The following OTUD6B variants were observed in gnomAD, a reference collection of about 807,000 sequenced individuals.
OTUD6B encodes OTU deubiquitinase 6B.
OTUD6B carries 41 observed loss-of-function variants against 36.9 expected under a neutral mutation model. The observed-to-expected ratio is 1.11, with a 90% CI of 0.87 to 1.44. OTUD6B has a LOEUF of 1.44. Among genes scored for constraint, OTUD6B ranks in the 40% most tolerant of loss-of-function variants. OTUD6B has a pLI of 0.00. For synonymous variants in OTUD6B, 114 were observed against 114.2 expected, an observed-to-expected ratio of 1.00 and a Z score of 0.01; for missense variants, 356 against 344.8, an observed-to-expected ratio of 1.03 and a Z score of -0.26.
At chr8:91,073,506 A>G (rs114091867) in intron 2 of OTUD6B, among the ~76,000 whole-genome samples, 157 of 152,254 alleles carry the variant, frequency 1.0e-3, no homozygotes, top group Middle Eastern at 6.8e-3. Context: ...CCTTTATCTT[A>G]TATGTACTGG....
At position 91,084,863 on chromosome 8, in the gene OTUD6B, A is replaced by G; in HGVS notation, c.877A>G (p.Ser293Gly). 1 of 1,515,070 alleles carries G rather than the reference A, an allele frequency of 6.6e-7. No homozygotes were observed. The highest frequency in any genetic ancestry group is 9.1e-7 in the Non-Finnish European group (1 of 1,101,532). 93.9% of individuals were successfully genotyped at this position (1,515,070 alleles called of 1,614,324 possible). The change falls in exon 7 of 7, where the codon AGC becomes GGC. Residue 293 changes from serine (S) to glycine (G), a missense_variant. Physicochemically the swap from Ser to Gly is moderately conservative, Grantham distance 56. Coordinates refer to ENST00000404789, the MANE Select transcript of OTUD6B (RefSeq NM_016023.5). ...RLVNIVTENCS is the reference protein window; with the variant it reads ...RLVNIVTENCG ...GGTAAACATAGTTACTGAAAATTGC[A>G]GCTAATTTATACAATGTTGTACAAT...
At chr8:91,076,594 G>A (rs745968718) in intron 3 of OTUD6B, 5 of 1,530,744 alleles carry the variant, frequency 3.3e-6, no homozygotes, top group African/African-American at 1.4e-5. Context: ...TGATTCAGGT[G>A]CCTGGATAGA....
intron 3 of OTUD6B, among the ~76,000 whole-genome samples, chr8:91,075,664 C>T (rs1241615397): frequency 6.6e-6 from 1 of 151,956 alleles, no homozygotes; most frequent in East Asian, 1.9e-4. Context: ...AAAAAATGCC[C>T]AAGTAATGTT....
chr8:91,080,420 A>G, intron 4 of OTUD6B: 1 of 279,234 alleles, frequency 3.6e-6, no homozygotes, highest in Non-Finnish European at 5.4e-6. Flanking sequence ...TAGGGAGGGT[A>G]TCTGGGCCTC....
chr8:91,084,633 T>G (rs759929614), intron 6 of OTUD6B, 151 bp from the exon 7 acceptor site: 2 of 889,568 alleles, frequency 2.2e-6, no homozygotes, highest in Non-Finnish European at 2.9e-6. Context: ...TGTTGAACTC[T>G]TAATTAATAT....
At chr8:91,082,275 A>G (rs1812920753) in intron 5 of OTUD6B, among the ~76,000 whole-genome samples, 1 of 152,148 alleles carries the variant, frequency 6.6e-6, no homozygotes, top group Non-Finnish European at 1.5e-5. Context: ...GTAATTTCTT[A>G]AATTCTTTCA....
At chr8:91,080,196 G>A (rs1043020658) in intron 4 of OTUD6B, among the ~76,000 whole-genome samples, 2 of 152,068 alleles carry the variant, frequency 1.3e-5, no homozygotes, top group African/African-American at 4.8e-5. Context: ...CTCTGGGGAA[G>A]GAATTTCAAT....
chr8:91,084,184 GATT>G, intron 6 of OTUD6B, 70 bp downstream of exon 6: 2 of 876,066 alleles, frequency 2.3e-6, no homozygotes, highest in Admixed American at 2.9e-5. Context: ...AAAAAATTTA[GATT>G]ATATGTGTTA....
chr8:91,077,821 G>A (rs1002424466), intron 3 of OTUD6B, among the ~76,000 whole-genome samples: 6 of 151,928 alleles, frequency 3.9e-5, no homozygotes, highest in African/African-American at 9.7e-5. Context: ...GGGAGCTTGA[G>A]TCTCTCTCTT....
At chr8:91,077,144 T>C (rs1468612687) in intron 3 of OTUD6B, among the ~76,000 whole-genome samples, 1 of 152,082 alleles carries the variant, frequency 6.6e-6, no homozygotes, top group Non-Finnish European at 1.5e-5. Context: ...TAACTTAGTT[T>C]TTATTCTTAA....
intron 1 of OTUD6B, 170 bp from the exon 2 acceptor site, chr8:91,070,968 C>G (rs1220938028): frequency 1.2e-6 from 1 of 808,538 alleles, no homozygotes; most frequent in Non-Finnish European, 1.5e-6. Flanking sequence ...TTTTTGGTCT[C>G]AGCTTTATCT....
intron 3 of OTUD6B, among the ~76,000 whole-genome samples, chr8:91,077,589 C>T (rs1403023075): frequency 2.0e-5 from 3 of 151,928 alleles, no homozygotes; most frequent in Admixed American, 6.6e-5. Context: ...CTCTCATTTC[C>T]GTCACCCCAC....
chr8:91,070,403 G>T lies in OTUD6B; in HGVS notation c.19G>T (p.Glu7Ter), dbSNP rs764539241. Residue 7 changes from glutamate (E) to a stop codon, truncating the protein, a stop_gained, in exon 1 of 7, where the codon GAA becomes TAA. Coordinates refer to ENST00000404789, the MANE Select transcript of OTUD6B (RefSeq NM_016023.5). LOFTEE classifies it high-confidence loss of function. Reference protein sequence around the residue: MEAVLTEELDEEEQLLR... With the variant: MEAVLT ...GGTCGTCATGGAGGCGGTATTGACC[G>T]AAGAGCTTGATGAGGAAGAGCAGCT... is the stretch of plus-strand genomic sequence containing the variant. The T allele has an allele frequency of 1.9e-6, 3 of 1,604,392 alleles. No individual in the cohort carries two copies. In the Admixed American group the frequency reaches 5.2e-5, roughly 28 times the overall value.
chr8:91,081,137 C>T (rs2130441677), intron 5 of OTUD6B, among the ~76,000 whole-genome samples: 1 of 108,018 alleles, frequency 9.3e-6, no homozygotes, highest in South Asian at 3.8e-4. Flanking sequence ...TTTTTTACAT[C>T]AGAAATGGAA....
chr8:91,076,669 C>T, intron 3 of OTUD6B: 2 of 1,455,186 alleles, frequency 1.4e-6, no homozygotes. Flanking sequence ...CTTTGGAAAT[C>T]TTTCTGCGTG....
chr8:91,081,072 A>C (rs367822616), intron 5 of OTUD6B, among the ~76,000 whole-genome samples: 85 of 147,458 alleles, frequency 5.8e-4, no homozygotes, highest in Admixed American at 8.1e-4. Context: ...TACTGAAGTA[A>C]AGTAAAATTT....
chr8:91,082,201 A>G (rs1812919711), intron 5 of OTUD6B, among the ~76,000 whole-genome samples: 1 of 152,108 alleles, frequency 6.6e-6, no homozygotes. Context: ...TATAAGAAAA[A>G]TGTACCTCAA....
At chr8:91,083,082 T>C (rs1184571363) in intron 5 of OTUD6B, among the ~76,000 whole-genome samples, 1 of 152,118 alleles carries the variant, frequency 6.6e-6, no homozygotes, top group Non-Finnish European at 1.5e-5. Context: ...GGCTTTAGGC[T>C]CTAATTTTAT....
At chr8:91,076,573 A>G (rs1489355491) in intron 3 of OTUD6B, 3 of 1,529,234 alleles carry the variant, frequency 2.0e-6, no homozygotes, top group Non-Finnish European at 2.6e-6. Flanking sequence ...CATCTGCTCC[A>G]ACTTTTATTC....
Sources: allele counts gnomAD v4.1 joint callset (sites outside exome capture counted in the v4.1 genomes callset), GRCh38; gene constraint gnomAD v4.1.1; transcripts MANE v1.5; gene names NCBI Gene and HGNC (gene_info 2026-07-23, HGNC 2026-07-21).